Variants in PRDM5 observed in about 807,000 individuals in gnomAD.
PRDM5 encodes the protein PR/SET domain 5, also known as PR domain zinc finger protein 5.
Under a neutral mutation model 81.2 loss-of-function variants are expected in PRDM5, and 56 were observed. The ratio of observed to expected loss-of-function variants is 0.69; its 90% CI spans 0.56 to 0.86. The LOEUF (loss-of-function observed/expected upper bound fraction) is 0.86, where lower values mean the gene tolerates loss of function less well. Among genes scored for constraint, PRDM5 ranks in the 40% least tolerant of loss-of-function variants. The pLI is 0.00. For synonymous variants in PRDM5, 267 were observed against 256.4 expected, an observed-to-expected ratio of 1.04 and a Z score of -0.39; for missense variants, 697 against 770.1, an observed-to-expected ratio of 0.91 and a Z score of 1.12.
At chr4:120,877,253 C>T (rs1006088230) in intron 2 of PRDM5, among the ~76,000 whole-genome samples, 2 of 152,186 alleles carry the variant, frequency 1.3e-5, no homozygotes, top group Non-Finnish European at 2.9e-5. Context: ...CACAAGTGAC[C>T]TTTAGAGTAG....
chr4:120,765,871 T>C (rs914174602), intron 13 of PRDM5, among the ~76,000 whole-genome samples: 4 of 152,108 alleles, frequency 2.6e-5, no homozygotes, highest in Non-Finnish European at 5.9e-5. Context: ...CAGTATCACA[T>C]GCTTACATTG....
chr4:120,827,040 G>A (rs1056010679), intron 3 of PRDM5, among the ~76,000 whole-genome samples: 5 of 152,114 alleles, frequency 3.3e-5, no homozygotes, highest in Non-Finnish European at 7.4e-5. Context: ...AGTCAATTCA[G>A]TCAACAAATC....
intron 2 of PRDM5, among the ~76,000 whole-genome samples, chr4:120,869,221 A>G (rs1016343428): frequency 1.3e-5 from 2 of 152,204 alleles, no homozygotes; most frequent in Non-Finnish European, 2.9e-5. Context: ...ATCATAGGGC[A>G]AGGAAATTAT....
At chr4:120,887,074 T>A (rs967724373) in intron 2 of PRDM5, among the ~76,000 whole-genome samples, 1 of 152,090 alleles carries the variant, frequency 6.6e-6, no homozygotes, top group Non-Finnish European at 1.5e-5. Context: ...GCCTCCCAAG[T>A]AGCTGGGACT....
intron 1 of PRDM5, among the ~76,000 whole-genome samples, chr4:120,909,830 G>A (rs1766285185): frequency 1.6e-5 from 1 of 61,294 alleles, no homozygotes; most frequent in Non-Finnish European, 4.0e-5. Context: ...ACCATTAATA[G>A]AGAACAATCA....
At chr4:120,746,195 T>C in intron 14 of PRDM5, among the ~76,000 whole-genome samples, 1 of 67,482 alleles carries the variant, frequency 1.5e-5, no homozygotes, top group Non-Finnish European at 3.0e-5. Context: ...GGATTCCCTA[T>C]TTAATAAATG....
chr4:120,793,884 C>T (rs1175903932), intron 10 of PRDM5, among the ~76,000 whole-genome samples: 1 of 151,968 alleles, frequency 6.6e-6, no homozygotes. Flanking sequence ...TACATATAAA[C>T]ATTACATTGT....
At chr4:120,771,197 T>C (rs1421310523) in intron 13 of PRDM5, among the ~76,000 whole-genome samples, 6 of 152,162 alleles carry the variant, frequency 3.9e-5, no homozygotes, top group South Asian at 2.1e-4. Context: ...CAATGTTCTT[T>C]TTATAAAACA....
At chr4:120,915,436 T>C (rs921693576) in intron 1 of PRDM5, among the ~76,000 whole-genome samples, 3 of 146,330 alleles carry the variant, frequency 2.1e-5, no homozygotes, top group Non-Finnish European at 4.5e-5. Context: ...TCCAAGGACC[T>C]CCCCATGTGA....
At chr4:120,783,657 A>G (rs1238332695) in intron 11 of PRDM5, among the ~76,000 whole-genome samples, 2 of 152,168 alleles carry the variant, frequency 1.3e-5, no homozygotes, top group Non-Finnish European at 2.9e-5. Flanking sequence ...AATGAACTAT[A>G]ATAGAAATTC....
At chr4:120,821,421 T>C (rs1166158177) in intron 3 of PRDM5, 76 bp from the exon 4 acceptor site, 2 of 1,360,636 alleles carry the variant, frequency 1.5e-6, no homozygotes, top group African/African-American at 2.9e-5. Flanking sequence ...TAAGATACAT[T>C]AATGGAGTAC....
chr4:120,821,952 A>G (rs575531465), intron 3 of PRDM5, among the ~76,000 whole-genome samples: 1 of 152,188 alleles, frequency 6.6e-6, no homozygotes, highest in African/African-American at 2.4e-5. Flanking sequence ...AAAAAGAAAA[A>G]AAAAAAAAAC....
chr4:120,734,391 A>AACAC (rs71597096), intron 14 of PRDM5, among the ~76,000 whole-genome samples: 3,701 of 147,554 alleles, frequency 0.025, 127 homozygotes, highest in African/African-American at 0.075. Flanking sequence ...ATGTTAGTGG[A>AACAC]ACACACACAC....
chr4:120,900,298 A>G (rs1765095191), intron 2 of PRDM5, among the ~76,000 whole-genome samples: 1 of 152,102 alleles, frequency 6.6e-6, no homozygotes. Context: ...CCCCTGGCAA[A>G]CAGTCCCATC....
At chr4:120,760,951 T>C (rs2149176552) in intron 13 of PRDM5, among the ~76,000 whole-genome samples, 1 of 152,334 alleles carries the variant, frequency 6.6e-6, no homozygotes, top group Non-Finnish European at 1.5e-5. Context: ...GAAAGATCCC[T>C]GGGCTGGAGA....
Position 120,717,053 on chromosome 4 carries a change from G to GA in PRDM5, c.1624-6641dup, listed in dbSNP as rs554219471. Among the ~76,000 whole-genome samples the GA allele has an allele frequency of 1.2e-4, 12 of 101,872 alleles. No individual in the cohort carries two copies. In the South Asian group the frequency reaches 4.1e-3, roughly 35 times the overall value. 66.8% of individuals were successfully genotyped at this position (101,872 alleles called of 152,430 possible). ...GACTTCTGTTCCTGCTCCTTTCTTT[G>GA]AACATTGTGAAAAAAAAAAAAAAAA... On this transcript the variant is annotated intron_variant, in intron 14 of 15. Transcript: ENST00000264808.
chr4:120,727,010 C>T (rs1019400273), intron 14 of PRDM5, among the ~76,000 whole-genome samples: 9 of 152,068 alleles, frequency 5.9e-5, no homozygotes, highest in East Asian at 1.9e-4. Context: ...TAAACTGTCC[C>T]GCATGTTAAA....
intron 4 of PRDM5, among the ~76,000 whole-genome samples, chr4:120,820,378 C>G (rs1250522257): frequency 6.6e-6 from 1 of 152,184 alleles, no homozygotes; most frequent in Non-Finnish European, 1.5e-5. Flanking sequence ...TACCAAGTAT[C>G]TAGTCTAAAG....
chr4:120,721,288 C>T (rs1041950873), intron 14 of PRDM5, among the ~76,000 whole-genome samples: 1 of 152,166 alleles, frequency 6.6e-6, no homozygotes, highest in South Asian at 2.1e-4. Flanking sequence ...ACCCTGCCTG[C>T]ACATTTAAAC....
Sources: allele counts gnomAD v4.1 joint callset (sites outside exome capture counted in the v4.1 genomes callset), GRCh38; gene constraint gnomAD v4.1.1; transcripts MANE v1.5; gene names NCBI Gene and HGNC (gene_info 2026-07-23, HGNC 2026-07-21).